Variants in RNF138 observed in about 807,000 individuals in gnomAD.
RNF138 encodes the protein ring finger protein 138.
Under a neutral mutation model 31.0 loss-of-function variants are expected in RNF138, and 12 were observed. The observed-to-expected ratio is 0.39, with a 90% CI of 0.25 to 0.63. The LOEUF (loss-of-function observed/expected upper bound fraction) is 0.63, where lower values mean the gene tolerates loss of function less well. Ranked by LOEUF, RNF138 falls within the 20% of genes least tolerant of loss-of-function variation. RNF138 has a pLI of 0.52. For synonymous variants in RNF138, 105 were observed against 99.5 expected (o/e 1.06, Z -0.33); for missense variants, 192 against 300.1 (o/e 0.64, Z 2.66).
chr18:32,101,631 C>A (rs76275490), intron 2 of RNF138, among the ~76,000 whole-genome samples: 1 of 152,054 alleles, frequency 6.6e-6, no homozygotes, highest in Non-Finnish European at 1.5e-5. Context: ...TAGCACCTAG[C>A]ACATATTATG....
intron 2 of RNF138, among the ~76,000 whole-genome samples, chr18:32,108,181 G>A (rs1254556270): frequency 1.3e-5 from 2 of 152,128 alleles, no homozygotes; most frequent in African/African-American, 2.4e-5. Flanking sequence ...AGTATAAAAT[G>A]CATACAGAAA....
rs1458838231 is a variant in RNF138, at chr18:32,121,129, G to C, written c.393-2389G>C. Among the ~76,000 whole-genome samples the C allele has an allele frequency of 3.6e-5, 4 of 112,126 alleles. No individual in the cohort carries two copies. The East Asian group carries it at 7.5e-4, about 21-fold the overall frequency. The allele number at this position is 112,126 out of a possible 152,430, so 73.6% of individuals were successfully genotyped here. ...CAGCCTGGGAGACAAGAGTGAGACT[G>C]TCTCAAAAAAAAACAAAACAAAAAA... On this transcript the variant is annotated intron_variant, in intron 4 of 7. Transcript: ENST00000261593.
intron 4 of RNF138, among the ~76,000 whole-genome samples, chr18:32,121,147 A>C (rs1388718650): frequency 2.0e-5 from 3 of 150,364 alleles, no homozygotes; most frequent in Non-Finnish European, 3.0e-5. Context: ...AAAAAACAAA[A>C]CAAAAAAAAA....
chr18:32,104,667 C>T (rs1177525133), intron 2 of RNF138, among the ~76,000 whole-genome samples: 1 of 152,094 alleles, frequency 6.6e-6, no homozygotes, highest in Non-Finnish European at 1.5e-5. Flanking sequence ...ACGTCACTTA[C>T]AATAGCAACA....
chr18:32,101,037 T>C (rs931909524), intron 2 of RNF138, among the ~76,000 whole-genome samples: 3 of 152,130 alleles, frequency 2.0e-5, no homozygotes, highest in Non-Finnish European at 2.9e-5. Context: ...GGAAGTGATA[T>C]TGTTGCTGAT....
intron 2 of RNF138, among the ~76,000 whole-genome samples, chr18:32,108,064 A>G (rs576789752): frequency 6.6e-6 from 1 of 151,834 alleles, no homozygotes; most frequent in Non-Finnish European, 1.5e-5. Flanking sequence ...CATGTTGGCC[A>G]GGCTGGTCTT....
chr18:32,097,061 C>T (rs978897438), intron 2 of RNF138, among the ~76,000 whole-genome samples: 3 of 150,946 alleles, frequency 2.0e-5, no homozygotes, highest in African/African-American at 2.4e-5. Flanking sequence ...CATGTTAAGA[C>T]AAATTAATAT....
chr18:32,093,401 C>T (rs999739942), intron 2 of RNF138, among the ~76,000 whole-genome samples: 6 of 152,166 alleles, frequency 3.9e-5, no homozygotes, highest in African/African-American at 1.4e-4. Flanking sequence ...TCCGTCCCCT[C>T]GGTCCAAGAG....
rs771435681 is a variant in RNF138 at position 32,113,758 on chromosome 18, G to T, written c.290G>T (p.Arg97Leu). Residue 97 changes from arginine (R) to leucine (L), a missense_variant, in exon 4 of 8, where the codon CGC becomes CTC. This residue lies in a region of RNF138 where 140 missense variants were observed against 251.7 expected (regional missense o/e 0.56). Coordinates refer to ENST00000261593, the MANE Select transcript of RNF138 (RefSeq NM_016271.5). The stretch of plus-strand genomic sequence containing the variant: ...AATAATTTACAGATTAAATTCTATC[G>T]CATGAGACATCATTACAAATCTTGT... ...RCCAKQIKFY[R>L]MRHHYKSCKK... 5 of 1,412,112 alleles carry T rather than the reference G, an allele frequency of 3.5e-6. No homozygotes were observed. Among genetic ancestry groups the T allele is most frequent in the Non-Finnish European group, 4.8e-6 (5 of 1,040,980 alleles). 87.5% of individuals were successfully genotyped at this position (1,412,112 alleles called of 1,614,324 possible). A position where few individuals can be genotyped will look rare whatever the true frequency, so the allele number is the denominator to read the frequency against.
intron 2 of RNF138, 74 bp downstream of exon 2, chr18:32,092,960 C>A: frequency 1.2e-6 from 1 of 849,980 alleles, no homozygotes; most frequent in Non-Finnish European, 1.7e-6. Context: ...GGACCCCGGG[C>A]TGCCGCCTGG....
At chr18:32,127,846 C>T (rs993434705) in intron 7 of RNF138, among the ~76,000 whole-genome samples, 11 of 152,052 alleles carry the variant, frequency 7.2e-5, no homozygotes, top group Non-Finnish European at 1.5e-4. Context: ...TTTGGGAGGC[C>T]GAGGTGGGTG....
chr18:32,121,806 T>G (rs2040310329), intron 4 of RNF138, among the ~76,000 whole-genome samples: 2 of 152,300 alleles, frequency 1.3e-5, no homozygotes. Flanking sequence ...TTGACTTTAT[T>G]TTAAAGAGCA....
intron 2 of RNF138, among the ~76,000 whole-genome samples, chr18:32,107,063 A>G (rs1263684977): frequency 6.9e-6 from 1 of 145,600 alleles, no homozygotes; most frequent in Non-Finnish European, 1.5e-5. Context: ...GGGCCACTGG[A>G]TTAGGGCTCT....
intron 2 of RNF138, among the ~76,000 whole-genome samples, chr18:32,095,830 C>G (rs7238559): frequency 0.43 from 64,917 of 152,080 alleles, 15,080 homozygotes; most frequent in East Asian, 0.64. Flanking sequence ...AGTACTGTTT[C>G]TCTGGAGACT....
In RNF138 at chr18:32,131,022, A is replaced by G. The variant is rs892006655; in HGVS notation, c.*1835A>G. The G allele has an allele frequency of 6.6e-6, 1 of 151,194 alleles. No individual in the cohort carries two copies. 9.4% of individuals were successfully genotyped at this position (151,194 alleles called of 1,614,324 possible). A position where few individuals can be genotyped will look rare whatever the true frequency, so the allele number is the denominator to read the frequency against. ...CAAGTTAAACCATTCTGGGATTTGCAAAGTTTAATACATCCAATATGTCAA... is the reference window on the plus strand; with the variant it reads ...CAAGTTAAACCATTCTGGGATTTGCGAAGTTTAATACATCCAATATGTCAA... On this transcript the variant is annotated 3_prime_UTR_variant, in exon 8 of 8. Transcript: ENST00000261593.
chr18:32,111,606 A>G, intron 2 of RNF138, 148 bp from the exon 3 acceptor site: 2 of 641,678 alleles, frequency 3.1e-6, no homozygotes, highest in Non-Finnish European at 2.6e-6. Context: ...ATACATATAC[A>G]GTTACTAAAC....
Position 32,130,423 on chromosome 18 carries a change from G to T in RNF138, c.*1236G>T, listed in dbSNP as rs1240409410. The T allele has an allele frequency of 2.0e-5, 3 of 152,074 alleles. No individual in the cohort carries two copies. The highest frequency in any genetic ancestry group is 4.4e-5 in the Non-Finnish European group (3 of 67,802). The allele number at this position is 152,074 out of a possible 1,614,324, so 9.4% of individuals were successfully genotyped here. ...TTTCACTACTTTTTAGTTAAAATTG[G>T]GTATGTTCTTAATATTCATTAGTGA... On this transcript the variant is annotated 3_prime_UTR_variant, in exon 8 of 8. Transcript: ENST00000261593.
intron 2 of RNF138, among the ~76,000 whole-genome samples, chr18:32,096,884 C>T (rs1598843406): frequency 6.6e-6 from 1 of 152,086 alleles, no homozygotes; most frequent in African/African-American, 2.4e-5. Context: ...GCACTCACCA[C>T]CATGCCTGGC....
At chr18:32,106,079 T>G (rs2040023133) in intron 2 of RNF138, among the ~76,000 whole-genome samples, 1 of 152,234 alleles carries the variant, frequency 6.6e-6, no homozygotes, top group South Asian at 2.1e-4. Flanking sequence ...TTTCCATAAT[T>G]TAACAGCTTC....
Sources: gnomAD v4.1 joint callset for allele counts (sites outside exome capture counted in the v4.1 genomes callset) on GRCh38, gnomAD v4.1.1 for gene constraint, gnomAD v4.1.1 regional missense constraint, MANE v1.5 for transcripts, NCBI Gene and HGNC (gene_info 2026-07-23, HGNC 2026-07-21) for gene names.